The following EFHC2 variants were observed in gnomAD, a reference collection of about 807,000 sequenced individuals.
The protein encoded by EFHC2 is EF-hand domain-containing family member C2.
In EFHC2, 18 loss-of-function variants were observed where a neutral mutation model predicts 52.7. The observed-to-expected ratio is 0.34, with a 90% CI of 0.24 to 0.51. EFHC2 has a LOEUF of 0.51. Among genes scored for constraint, EFHC2 ranks in the 20% least tolerant of loss-of-function variants. The probability of loss-of-function intolerance (pLI) is 0.97; values close to 1 mark genes in which losing one functional copy is unlikely to be tolerated. For synonymous variants in EFHC2, 203 were observed against 204.1 expected (o/e 0.99, Z 0.04); for missense variants, 513 against 562.5 (o/e 0.91, Z 0.89).
chrX:44,247,907 TAAG>T (rs1298274053), intron 7 of EFHC2, among the ~76,000 whole-genome samples: 3 of 111,898 alleles, frequency 2.7e-5, no homozygotes, highest in Non-Finnish European at 3.8e-5. Context: ...TCCATTGTGG[TAAG>T]AAGAAGTAAG....
At chrX:44,166,109 A>G (rs1326268130) in intron 13 of EFHC2, among the ~76,000 whole-genome samples, 1 of 111,579 alleles carries the variant, frequency 9.0e-6, no homozygotes, top group Non-Finnish European at 1.9e-5. Context: ...GGGACTTATG[A>G]TATTTTTAAA....
Position 44,235,350 on chromosome X carries a change from C to T in EFHC2, c.1378G>A (p.Gly460Ser), listed in dbSNP as rs768494428. 5.9e-6 allele frequency: 7 copies of T among 1,187,692 alleles called. No homozygotes were observed. The highest frequency in any genetic ancestry group is 6.8e-6 in the Non-Finnish European group (6 of 882,868). The change falls in exon 9 of 15, where the codon GGT (glycine) becomes AGT (serine). Residue 460 changes from glycine to serine, a missense_variant. Physicochemically the swap from Gly to Ser is moderately conservative, Grantham distance 56 (BLOSUM62 0). Coordinates refer to ENST00000420999, the MANE Select transcript of EFHC2 (RefSeq NM_025184.4). The part of the protein sequence containing the change: ...DRMFVISYYL[G>S]DDTISVFEPI... The stretch of plus-strand genomic sequence containing the variant: ...TCAAACACTGAAATGGTGTCATCAC[C>T]GAGATAATATGAAATAACAAACATC...
chrX:44,218,176 C>A (rs2037165966), intron 11 of EFHC2, among the ~76,000 whole-genome samples: 1 of 111,133 alleles, frequency 9.0e-6, no homozygotes, highest in Non-Finnish European at 1.9e-5. Flanking sequence ...TCATTGGTAT[C>A]CAGCATTCCT....
chrX:44,306,448 A>G lies in EFHC2; in HGVS notation c.231+6120T>C, dbSNP rs769624965. Reference sequence around the variant, plus strand: ...AGCCCCACCCAATAAATCTTAATGCATATATCATTGGCCAAAAGTGAGTCA... The same window carrying G: ...AGCCCCACCCAATAAATCTTAATGCGTATATCATTGGCCAAAAGTGAGTCA... On this transcript the variant is annotated intron_variant, in intron 2 of 14. Coordinates refer to ENST00000420999, the MANE Select transcript of EFHC2 (RefSeq NM_025184.4). 8.4e-4 allele frequency among the ~76,000 whole-genome samples: 94 copies of G among 111,594 alleles called. 2 individuals are homozygous for G. The Middle Eastern group carries it at 0.014, about 16-fold the overall frequency.
chrX:44,211,763 T>C (rs1317066097), intron 11 of EFHC2, among the ~76,000 whole-genome samples: 6 of 97,169 alleles, frequency 6.2e-5, no homozygotes, highest in Non-Finnish European at 1.0e-4. Flanking sequence ...TCCCAGCTAC[T>C]GGGGAGGCTG....
intron 2 of EFHC2, among the ~76,000 whole-genome samples, chrX:44,280,842 T>C (rs893083085): frequency 8.9e-6 from 1 of 112,400 alleles, no homozygotes; most frequent in Non-Finnish European, 1.9e-5. Flanking sequence ...ACTAAAAGGA[T>C]AGGCGAAGTA....
chrX:44,168,545 A>G (rs2147272822), intron 13 of EFHC2, among the ~76,000 whole-genome samples: 1 of 110,449 alleles, frequency 9.1e-6, no homozygotes, highest in Admixed American at 9.6e-5. Flanking sequence ...AGAAAAAAAA[A>G]AAAAAGAAAG....
chrX:44,285,881 A>G, intron 2 of EFHC2: 1 of 127,659 alleles, frequency 7.8e-6, no homozygotes, highest in Non-Finnish European at 1.6e-5. Flanking sequence ...CCTACTGCAC[A>G]TCTTGAAAAA....
chrX:44,164,080 C>A, intron 13 of EFHC2, 53 bp from the exon 14 acceptor site: 1 of 764,214 alleles, frequency 1.3e-6, no homozygotes, highest in Non-Finnish European at 1.8e-6. Context: ...AATTCAAGAC[C>A]AAAATGTCAG....
chrX:44,254,917 G>A (rs1486593679), intron 4 of EFHC2, among the ~76,000 whole-genome samples: 1 of 111,848 alleles, frequency 8.9e-6, no homozygotes, highest in African/African-American at 3.3e-5. Flanking sequence ...AGACTAACAG[G>A]AGACCTCTCT....
At chrX:44,191,812 CTTGA>C (rs907023850) in intron 11 of EFHC2, among the ~76,000 whole-genome samples, 2 of 111,451 alleles carry the variant, frequency 1.8e-5, no homozygotes, top group African/African-American at 6.5e-5. Flanking sequence ...GAATCTTATT[CTTGA>C]TTAACTTGAA....
chrX:44,162,903 G>A lies in EFHC2; in HGVS notation c.2148+1019C>T, dbSNP rs751472251. ...GCCCCTCAAAGGTAGCAGTGACAATGTTTGTCTCTGGACCCCAGCCTACAG... is the reference window on the plus strand; with the variant it reads ...GCCCCTCAAAGGTAGCAGTGACAATATTTGTCTCTGGACCCCAGCCTACAG... On this transcript the variant is annotated intron_variant, in intron 14 of 14. Transcript: ENST00000420999. Among the ~76,000 whole-genome samples the A allele has an allele frequency of 3.2e-4, 36 of 111,810 alleles. 1 individual carries two copies. Among genetic ancestry groups the A allele is most frequent in the Admixed American group, 3.1e-3 (33 of 10,520 alleles).
At chrX:44,338,397 C>A (rs1031356543) in intron 1 of EFHC2, among the ~76,000 whole-genome samples, 1 of 110,062 alleles carries the variant, frequency 9.1e-6, no homozygotes, top group African/African-American at 3.3e-5. Context: ...GCTACTGTGG[C>A]AACAGAGGTG....
In EFHC2 at chrX:44,287,672, T is replaced by C. The variant is rs1361347461; in HGVS notation, c.232-14836A>G. Among the ~76,000 whole-genome samples the C allele has an allele frequency of 4.4e-5, 5 of 112,394 alleles. No individual in the cohort carries two copies. The Admixed American group carries it at 4.7e-4, about 11-fold the overall frequency. On this transcript the variant is annotated intron_variant, in intron 2 of 14. Coordinates refer to ENST00000420999, the MANE Select transcript of EFHC2 (RefSeq NM_025184.4). ...ACCTCGAAGAATTATTATTTAGCAT[T>C]TATTTTTCTGGCATTTGGTGTGTCT...
At chrX:44,324,894 G>A (rs186238413) in intron 1 of EFHC2, among the ~76,000 whole-genome samples, 106 of 111,832 alleles carry the variant, frequency 9.5e-4, no homozygotes, top group African/African-American at 3.3e-3. Flanking sequence ...AATAAAATCA[G>A]CCACACGTAA....
At chrX:44,288,384 C>T (rs1458120756) in intron 2 of EFHC2, among the ~76,000 whole-genome samples, 2 of 109,007 alleles carry the variant, frequency 1.8e-5, no homozygotes, top group Non-Finnish European at 3.8e-5. Flanking sequence ...ATTAAAGTAG[C>T]TTGTAGTGGG....
At chrX:44,259,019 T>TA (rs2037516121) in intron 4 of EFHC2, among the ~76,000 whole-genome samples, 1 of 111,057 alleles carries the variant, frequency 9.0e-6, no homozygotes. Context: ...GAACCAGAAA[T>TA]ACCATTTGAC....
chrX:44,272,742 T>G lies in EFHC2; in HGVS notation c.326A>C (p.Glu109Ala), dbSNP rs771969239. Residue 109 changes from glutamate to alanine, a missense_variant, in exon 3 of 15, where the codon GAA becomes GCA. Coordinates refer to ENST00000420999, the MANE Select transcript of EFHC2 (RefSeq NM_025184.4). Reference sequence around the variant, plus strand: ...TTCATTTACTTGAATTGTGTCATCTTCAGGGTAGAAGTAGATTTTATAGTA... The same window carrying G: ...TTCATTTACTTGAATTGTGTCATCTGCAGGGTAGAAGTAGATTTTATAGTA... ...IRYYKIYFYP[E>A]DDTIQVNEPE... The G allele has an allele frequency of 5.1e-6, 6 of 1,169,684 alleles. No individual in the cohort carries two copies. In the Admixed American group the frequency reaches 1.5e-4, roughly 30 times the overall value.
intron 11 of EFHC2, among the ~76,000 whole-genome samples, chrX:44,196,939 G>C (rs1185263336): frequency 8.9e-6 from 1 of 112,061 alleles, no homozygotes; most frequent in Non-Finnish European, 1.9e-5. Context: ...GAAATTGCTA[G>C]ACTGCCTGAT....
Sources: allele counts gnomAD v4.1 joint callset (sites outside exome capture counted in the v4.1 genomes callset), GRCh38; gene constraint gnomAD v4.1.1; transcripts MANE v1.5; gene names NCBI Gene and HGNC (gene_info 2026-07-23, HGNC 2026-07-21).